The following OAT variants were observed in gnomAD, a reference collection of about 807,000 sequenced individuals.
OAT encodes the protein ornithine aminotransferase, mitochondrial.
OAT carries 35 observed loss-of-function variants against 48.4 expected under a neutral mutation model. The ratio of observed to expected loss-of-function variants is 0.72; its 90% CI spans 0.55 to 0.96. OAT has a LOEUF of 0.96. Among genes scored for constraint, OAT ranks in the 40% least tolerant of loss-of-function variants. The probability of loss-of-function intolerance (pLI) is 0.00; values close to 1 mark genes in which losing one functional copy is unlikely to be tolerated. For missense variants in OAT, 438 were observed against 537.9 expected, an observed-to-expected ratio of 0.81 and a Z score of 1.84; for synonymous variants, 182 against 198.4, an observed-to-expected ratio of 0.92 and a Z score of 0.70.
At chr10:124,401,866 A>T in intron 7 of OAT, 27 bp from the exon 8 acceptor site, 2 of 1,515,560 alleles carry the variant, frequency 1.3e-6, no homozygotes, top group Non-Finnish European at 1.8e-6. Flanking sequence ...TCACCATGTC[A>T]TTTCTCAGCA....
rs1283250704 is a variant in OAT at position 124,408,331 on chromosome 10, ATATATATATATATTT to A, written c.520+196_520+210del. 7.4e-3 allele frequency among the ~76,000 whole-genome samples: 683 copies of A among 92,082 alleles called. 4 individuals carry two copies. The highest frequency in any genetic ancestry group is 0.016 in the East Asian group (53 of 3,228). The allele number at this position is 92,082 out of a possible 152,430, so 60.4% of individuals were successfully genotyped here. On this transcript the variant is annotated intron_variant, in intron 4 of 9. Coordinates refer to ENST00000368845, the MANE Select transcript of OAT (RefSeq NM_000274.4). ...TGTGTGTGTGTGTATATATATATATATATATATATATATTTTTTTTTTTTTTTTTTAAATAGAGAC... is the reference window on the plus strand; with the variant it reads ...TGTGTGTGTGTGTATATATATATATATTTTTTTTTTTTTTTAAATAGAGAC...
chr10:124,401,066 G>A (rs750197344), intron 8 of OAT, 82 bp from the exon 9 acceptor site: 1 of 932,454 alleles, frequency 1.1e-6, no homozygotes, highest in African/African-American at 1.7e-5. Context: ...GTAAACACAG[G>A]AAAAACATGA....
At chr10:124,417,807 T>G (rs1028927685) in intron 1 of OAT, among the ~76,000 whole-genome samples, 4 of 152,210 alleles carry the variant, frequency 2.6e-5, no homozygotes, top group Non-Finnish European at 5.9e-5. Context: ...AACTGAACAT[T>G]AGTCATTTCT....
At chr10:124,414,719 A>G (rs1248664444) in intron 1 of OAT, among the ~76,000 whole-genome samples, 1 of 152,202 alleles carries the variant, frequency 6.6e-6, no homozygotes. Context: ...AAAAATTAGA[A>G]CATTAATTTT....
intron 1 of OAT, among the ~76,000 whole-genome samples, chr10:124,412,603 A>G (rs998487698): frequency 6.6e-6 from 1 of 151,962 alleles, no homozygotes; most frequent in Non-Finnish European, 1.5e-5. Flanking sequence ...CCGAGGAGTT[A>G]AAGACCAGCC....
intron 9 of OAT, among the ~76,000 whole-genome samples, chr10:124,398,534 T>G (rs746763033): frequency 4.0e-4 from 60 of 151,864 alleles, no homozygotes; most frequent in Non-Finnish European, 7.7e-4. Context: ...AGCTTGGAGC[T>G]GCAAGCTTGC....
chr10:124,413,267 TACACACACACACACACACACACACAC>T (rs58272470), intron 1 of OAT, among the ~76,000 whole-genome samples: 1 of 134,578 alleles, frequency 7.4e-6, no homozygotes, highest in South Asian at 2.6e-4. Flanking sequence ...CATAAATACA[TACACACACACACACACACACACACAC>T]ACACACACAC....
intron 2 of OAT, among the ~76,000 whole-genome samples, chr10:124,411,139 C>CAAAAAAA (rs370084432): frequency 4.0e-4 from 6 of 15,014 alleles, no homozygotes; most frequent in Admixed American, 1.5e-3. Context: ...CATTCCGTCT[C>CAAAAAAA]AAAAAAAAAA....
At position 124,397,934 on chromosome 10, in the gene OAT, G is replaced by A; in HGVS notation, c.*8C>T. ...CTCCCAGGGACCACTGAAAACAGCT[G>A]GCTACCCTCAGAAAGACAAGATGGT... is the stretch of plus-strand genomic sequence containing the variant. On this transcript the variant is annotated 3_prime_UTR_variant, in exon 10 of 10. Coordinates refer to ENST00000368845, the MANE Select transcript of OAT (RefSeq NM_000274.4). 1.2e-6 allele frequency: 2 copies of A among 1,613,648 alleles called. No individual in the cohort carries two copies. Among genetic ancestry groups the A allele is most frequent in the Non-Finnish European group, 1.7e-6 (2 of 1,179,834 alleles).
intron 9 of OAT, among the ~76,000 whole-genome samples, chr10:124,399,667 A>T (rs1012830230): frequency 1.3e-5 from 2 of 152,120 alleles, no homozygotes; most frequent in Non-Finnish European, 2.9e-5. Context: ...CTTTAAGTGC[A>T]GCCAAGGTTG....
chr10:124,398,579 A>G (rs933438440), intron 9 of OAT, among the ~76,000 whole-genome samples: 1 of 151,496 alleles, frequency 6.6e-6, no homozygotes, highest in African/African-American at 2.4e-5. Context: ...GTTACTCTTC[A>G]CTTTTCAGCA....
chr10:124,403,918 A>G lies in OAT; in HGVS notation c.651T>C (p.Arg217=). ...CAGCCACATTTGGATCCTGAAGAGC[A>G]CGCTACAGAAGAAACAGGAATAAGT... ...IPYNDLPALE[R]ALQDPNVAAF... Residue 217 remains arginine, a splice_region_variant and synonymous_variant, in exon 6 of 10, where the codon CGT becomes CGC. Coordinates refer to ENST00000368845, the MANE Select transcript of OAT (RefSeq NM_000274.4). 2 of 1,614,142 alleles carry G rather than the reference A, an allele frequency of 1.2e-6. No homozygotes were observed. The highest frequency in any genetic ancestry group is 8.5e-7 in the Non-Finnish European group (1 of 1,179,960).
At chr10:124,418,463 G>A (rs973088071) in intron 1 of OAT, among the ~76,000 whole-genome samples, 55 of 152,328 alleles carry the variant, frequency 3.6e-4, no homozygotes, top group African/African-American at 1.3e-3. Flanking sequence ...CTCTGGGCCG[G>A]GTGGGCCGAG....
rs1252853867 is a variant in OAT at position 124,403,052 on chromosome 10, G to A, written c.775C>T (p.Leu259Phe). The A allele has an allele frequency of 3.7e-6, 6 of 1,613,756 alleles. No individual in the cohort carries two copies. The highest frequency in any genetic ancestry group is 5.1e-6 in the Non-Finnish European group (6 of 1,180,028). The change falls in exon 7 of 10, where the codon CTC (leucine) becomes TTC (phenylalanine). Residue 259 changes from leucine (L) to phenylalanine (F), a missense_variant. Coordinates refer to ENST00000368845, the MANE Select transcript of OAT (RefSeq NM_000274.4). ...GTCTGTATTTCATCAGCAATAAAGA[G>A]AACCTATTGGGGAAAAAAAATACCC... ...VRELCTRHQV[L>F]FIADEIQTGL...
At chr10:124,412,647 G>A (rs916742332) in intron 1 of OAT, among the ~76,000 whole-genome samples, 4 of 151,768 alleles carry the variant, frequency 2.6e-5, no homozygotes, top group Non-Finnish European at 4.4e-5. Flanking sequence ...GAAAAAAAAA[G>A]AGTGAGAATC....
At chr10:124,415,212 G>A (rs1361760330) in intron 1 of OAT, 1 of 148,080 alleles carries the variant, frequency 6.8e-6, no homozygotes, top group Non-Finnish European at 1.5e-5. Flanking sequence ...TCATTTACCT[G>A]TTAAGTTTAG....
At chr10:124,398,337 G>A (rs950461499) in intron 9 of OAT, among the ~76,000 whole-genome samples, 61 of 151,142 alleles carry the variant, frequency 4.0e-4, no homozygotes, top group Non-Finnish European at 3.5e-4. Context: ...TATGAAACCC[G>A]TCTCTACTAA....
chr10:124,405,929 A>G lies in OAT; in HGVS notation c.521-366T>C, dbSNP rs1223998427. 5.2e-6 allele frequency: 6 copies of G among 1,151,978 alleles called. No homozygotes were observed. In the South Asian group the frequency reaches 9.5e-5, roughly 18 times the overall value. The allele number at this position is 1,151,978 out of a possible 1,614,324, so 71.4% of individuals were successfully genotyped here. On this transcript the variant is annotated intron_variant, in intron 4 of 9. Transcript: ENST00000368845. ...CATGTTTTCTAGAGAAGGTGCATTTATGATAGTGATATGAGAAAGAATATC... is the reference window on the plus strand; with the variant it reads ...CATGTTTTCTAGAGAAGGTGCATTTGTGATAGTGATATGAGAAAGAATATC...
In OAT at chr10:124,404,037, G is replaced by A. The variant is rs76895707; in HGVS notation, c.649-117C>T. On this transcript the variant is annotated intron_variant, in intron 5 of 9. Transcript: ENST00000368845. ...ATGCAAATCAAGTTTTCGCACTAAC[G>A]TAAATTCTGACTTCAAATTCACTGC... 1.7e-3 allele frequency: 2,036 copies of A among 1,227,824 alleles called. 23 individuals carry two copies. In the African/African-American group the frequency reaches 0.027, roughly 16 times the overall value. 76.1% of individuals were successfully genotyped at this position (1,227,824 alleles called of 1,614,324 possible). A position where few individuals can be genotyped will look rare whatever the true frequency, so the allele number is the denominator to read the frequency against.
Sources: allele counts gnomAD v4.1 joint callset (sites outside exome capture counted in the v4.1 genomes callset), GRCh38; gene constraint gnomAD v4.1.1; transcripts MANE v1.5; gene names NCBI Gene and HGNC (gene_info 2026-07-23, HGNC 2026-07-21).